PIBF1: variants seen among roughly 807,000 people sequenced by gnomAD.
PIBF1 encodes the protein progesterone-induced-blocking factor 1.
A neutral mutation model predicts 112.5 loss-of-function variants in PIBF1; 90 were observed. The observed-to-expected ratio is 0.80, with a 90% CI of 0.67 to 0.95. The LOEUF (loss-of-function observed/expected upper bound fraction) is 0.95. Ranked by LOEUF, PIBF1 falls within the 40% of genes least tolerant of loss-of-function variation. PIBF1 has a pLI of 0.00. For synonymous variants in PIBF1, 301 were observed against 288.6 expected, an observed-to-expected ratio of 1.04 and a Z score of -0.44; for missense variants, 915 against 852.3, an observed-to-expected ratio of 1.07 and a Z score of -0.92.
intron 15 of PIBF1, among the ~76,000 whole-genome samples, chr13:72,969,029 C>CA (rs61203961): frequency 6.2e-5 from 9 of 144,752 alleles, no homozygotes; most frequent in Admixed American, 2.8e-4. Flanking sequence ...AACTCTGTCT[C>CA]AAAAAAAAAA....
At chr13:72,900,177 C>A (rs763979346) in intron 11 of PIBF1, among the ~76,000 whole-genome samples, 8 of 152,076 alleles carry the variant, frequency 5.3e-5, no homozygotes, top group Non-Finnish European at 1.0e-4. Context: ...GACCATACTG[C>A]CAAAAGAATC....
Position 72,807,941 on chromosome 13 carries a change from A to G in PIBF1, c.672+9915A>G, listed in dbSNP as rs527543087. ...TGTCTTATCAAATACCTCTCCATCT[A>G]TCCATCTGCCAGTCACATTTAATTT... On this transcript the variant is annotated intron_variant, in intron 5 of 17. Transcript: ENST00000326291. Among the ~76,000 whole-genome samples, 13 of 152,272 alleles carry G rather than the reference A, an allele frequency of 8.5e-5. No homozygotes were observed. The South Asian group carries it at 2.1e-3, about 24-fold the overall frequency.
At chr13:72,863,647 G>GAC (rs2038799331) in intron 10 of PIBF1, among the ~76,000 whole-genome samples, 1 of 136,098 alleles carries the variant, frequency 7.3e-6, no homozygotes, top group Admixed American at 7.7e-5. Context: ...GACAGAGTGA[G>GAC]ACTCCGTCTC....
chr13:72,908,549 T>C lies in PIBF1; in HGVS notation c.1507T>C (p.Tyr503His). Residue 503 changes from tyrosine (Y) to histidine (H), a missense_variant, in exon 12 of 18, where the codon TAT becomes CAT. By Grantham distance (83) the Tyr-to-His change is moderately conservative. Transcript: ENST00000326291. ...CTATTAGGTTTTAACCAAAGAATTTTATAGTCTCCAAGCCTCTTCTGAAAA... is the reference window on the plus strand; with the variant it reads ...CTATTAGGTTTTAACCAAAGAATTTCATAGTCTCCAAGCCTCTTCTGAAAA... ...KKLEVLTKEF[Y>H]SLQASSEKRI... 1 of 1,604,732 alleles carries C rather than the reference T, an allele frequency of 6.2e-7. No individual in the cohort carries two copies. Among genetic ancestry groups the C allele is most frequent in the Non-Finnish European group, 8.5e-7 (1 of 1,176,632 alleles).
chr13:73,004,907 G>A (rs546052750), intron 17 of PIBF1, among the ~76,000 whole-genome samples: 7 of 152,188 alleles, frequency 4.6e-5, no homozygotes, highest in South Asian at 2.1e-4. Flanking sequence ...ATGGTTGGCC[G>A]GGCACTGTGG....
chr13:72,807,341 G>C (rs534295685), intron 5 of PIBF1, among the ~76,000 whole-genome samples: 7 of 152,112 alleles, frequency 4.6e-5, no homozygotes, highest in African/African-American at 1.7e-4. Context: ...TTGAGAGGTC[G>C]AGGTGGGCAG....
chr13:72,913,740 T>C (rs182911037), intron 12 of PIBF1, among the ~76,000 whole-genome samples: 22 of 151,462 alleles, frequency 1.5e-4, no homozygotes, highest in African/African-American at 4.4e-4. Context: ...CCAGTCTGGG[T>C]GACAGAATGA....
intron 15 of PIBF1, among the ~76,000 whole-genome samples, chr13:72,966,946 T>C (rs2042756675): frequency 6.6e-6 from 1 of 151,828 alleles, no homozygotes; most frequent in East Asian, 1.9e-4. Flanking sequence ...TGAATCTTTT[T>C]TTTTTTTTTG....
intron 16 of PIBF1, among the ~76,000 whole-genome samples, chr13:72,975,851 T>C (rs2043007229): frequency 6.6e-6 from 1 of 152,236 alleles, no homozygotes; most frequent in Admixed American, 6.5e-5. Flanking sequence ...TTTTCGCAAG[T>C]GTTTTTGAAA....
intron 14 of PIBF1, among the ~76,000 whole-genome samples, chr13:72,948,487 T>C (rs2042208549): frequency 6.6e-6 from 1 of 152,158 alleles, no homozygotes; most frequent in Admixed American, 6.5e-5. Flanking sequence ...GGCTCCAAAT[T>C]TTCACACATT....
chr13:72,841,586 C>T (rs2037611578), intron 9 of PIBF1, among the ~76,000 whole-genome samples: 6 of 152,124 alleles, frequency 3.9e-5, no homozygotes, highest in Admixed American at 3.9e-4. Context: ...GCCTGGGCAA[C>T]ATGGCAGAAC....
rs186319386 is a variant in PIBF1 at position 72,979,853 on chromosome 13, C to T, written c.2049+6178C>T. Among the ~76,000 whole-genome samples, 8 of 152,106 alleles carry T rather than the reference C, an allele frequency of 5.3e-5. No homozygotes were observed. The East Asian group carries it at 1.2e-3, about 22-fold the overall frequency. On this transcript the variant is annotated intron_variant, in intron 16 of 17. Coordinates refer to ENST00000326291, the MANE Select transcript of PIBF1 (RefSeq NM_006346.4). Reference sequence around the variant, plus strand: ...AGGAGAATGGCATGAACCCGGGAGGCGAAGGTTGCAGTGAGCTGAGATTGT... The same window carrying T: ...AGGAGAATGGCATGAACCCGGGAGGTGAAGGTTGCAGTGAGCTGAGATTGT...
chr13:72,848,754 C>T (rs762014453), intron 9 of PIBF1, among the ~76,000 whole-genome samples: 1 of 151,880 alleles, frequency 6.6e-6, no homozygotes, highest in African/African-American at 2.4e-5. Context: ...ATGGCATGAA[C>T]CCGGGAAGCG....
At chr13:72,976,324 G>GGAA (rs945596748) in intron 16 of PIBF1, among the ~76,000 whole-genome samples, 2 of 151,464 alleles carry the variant, frequency 1.3e-5, no homozygotes, top group Non-Finnish European at 2.9e-5. Context: ...GGGAAGGAGA[G>GGAA]GAAGAAGAAG....
intron 11 of PIBF1, among the ~76,000 whole-genome samples, chr13:72,902,100 T>C (rs1429014251): frequency 5.3e-5 from 8 of 149,798 alleles, no homozygotes; most frequent in Non-Finnish European, 1.2e-4. Context: ...CTAAATGAGA[T>C]TGGAGACTAT....
At chr13:72,798,750 G>C (rs1175243562) in intron 5 of PIBF1, among the ~76,000 whole-genome samples, 1 of 152,272 alleles carries the variant, frequency 6.6e-6, no homozygotes, top group South Asian at 2.1e-4. Flanking sequence ...CCATGTAACA[G>C]TTGGAAATGG....
At chr13:72,923,368 A>G (rs1162503753) in intron 13 of PIBF1, among the ~76,000 whole-genome samples, 2 of 152,154 alleles carry the variant, frequency 1.3e-5, no homozygotes, top group Admixed American at 6.5e-5. Flanking sequence ...GCTAAAAGAT[A>G]ACCCTTGGAG....
At chr13:72,847,160 G>A (rs1318613204) in intron 9 of PIBF1, among the ~76,000 whole-genome samples, 1 of 152,022 alleles carries the variant, frequency 6.6e-6, no homozygotes, top group Non-Finnish European at 1.5e-5. Flanking sequence ...CAAATATTTT[G>A]CATTTTGGTA....
rs546808729 is a variant in PIBF1 at position 72,918,845 on chromosome 13, A to C, written c.1730+1679A>C. ...CAGCCTCCCGAGTAGCTGGGATTAC[A>C]GGCATGTGCCACCATGCCTGGCTAA... On this transcript the variant is annotated intron_variant, in intron 13 of 17. Coordinates refer to ENST00000326291, the MANE Select transcript of PIBF1 (RefSeq NM_006346.4). 2.9e-4 allele frequency among the ~76,000 whole-genome samples: 44 copies of C among 151,978 alleles called. 1 individual carries two copies. In the South Asian group the frequency reaches 9.2e-3, roughly 32 times the overall value.
Sources: allele counts gnomAD v4.1 joint callset (sites outside exome capture counted in the v4.1 genomes callset), GRCh38; gene constraint gnomAD v4.1.1; transcripts MANE v1.5; gene names NCBI Gene and HGNC (gene_info 2026-07-23, HGNC 2026-07-21).